Variants in NOL8 observed in about 807,000 individuals in gnomAD.
The protein encoded by NOL8 is nucleolar protein 8.
A neutral mutation model predicts 116.1 loss-of-function variants in NOL8; 93 were observed. That is an observed-to-expected ratio of 0.80 (90% CI 0.68 to 0.95). NOL8 has a LOEUF of 0.95. Ranked by LOEUF, NOL8 falls within the 40% of genes least tolerant of loss-of-function variation. NOL8 has a pLI of 0.00. For missense variants in NOL8, 1,291 were observed against 1,382.8 expected, an observed-to-expected ratio of 0.93 and a Z score of 1.05; for synonymous variants, 419 against 469.0, an observed-to-expected ratio of 0.89 and a Z score of 1.38.
At chr9:92,302,994 G>C (rs1372530932) in intron 12 of NOL8, among the ~76,000 whole-genome samples, 2 of 152,148 alleles carry the variant, frequency 1.3e-5, no homozygotes, top group Non-Finnish European at 2.9e-5. Flanking sequence ...TGTGTACTGT[G>C]GAAAATGGAA....
rs56409961 is a variant in NOL8 at position 92,314,553 on chromosome 9, A to G, written c.2072T>C (p.Ile691Thr). ...ATGGCAGCTGTCTTTGTCAAAGCCTATGTTGTGAGTCTTTGCACTAAGACT... is the reference window on the plus strand; with the variant it reads ...ATGGCAGCTGTCTTTGTCAAAGCCTGTGTTGTGAGTCTTTGCACTAAGACT... ...SLSLSAKTHN[I>T]GFDKDSCHST... Residue 691 changes from isoleucine to threonine, a missense_variant, in exon 7 of 17, where the codon ATA (isoleucine) becomes ACA (threonine). Physicochemically the swap from Ile to Thr is moderately conservative, Grantham distance 89. Coordinates refer to ENST00000442668, the MANE Select transcript of NOL8 (RefSeq NM_017948.6). 41 of 1,613,382 alleles carry G rather than the reference A, an allele frequency of 2.5e-5. 1 individual carries two copies. In the South Asian group the frequency reaches 4.1e-4, roughly 16 times the overall value.
At position 92,305,808 on chromosome 9, in the gene NOL8, T is replaced by C. The variant is rs1031573222; in HGVS notation, c.2848A>G (p.Thr950Ala). The C allele has an allele frequency of 1.3e-5, 21 of 1,612,624 alleles. No homozygotes were observed. The highest frequency in any genetic ancestry group is 1.8e-5 in the Non-Finnish European group (21 of 1,178,978). ...KFKDIIHYDP[T>A]KQDHATYERK... The stretch of plus-strand genomic sequence containing the variant: ...TCGTAAGTGGCATGGTCTTGCTTCG[T>C]TGGATCATAATGTATGATGTCCCTA... The change falls in exon 12 of 17, where the codon ACG becomes GCG. Residue 950 changes from threonine to alanine, a missense_variant. Thr to Ala is a moderately conservative substitution (Grantham distance 58). Transcript: ENST00000442668.
intron 12 of NOL8, among the ~76,000 whole-genome samples, chr9:92,304,157 G>A (rs1352791753): frequency 6.6e-6 from 1 of 152,196 alleles, no homozygotes; most frequent in Non-Finnish European, 1.5e-5. Context: ...CAGCACTTAT[G>A]AAAAGAGAAG....
intron 3 of NOL8, 143 bp downstream of exon 3, chr9:92,323,297 AC>A (rs1279195425): frequency 5.9e-6 from 9 of 1,536,322 alleles, no homozygotes; most frequent in Admixed American, 2.0e-5. Context: ...GCTGAGTTAT[AC>A]GATACTGGAA....
intron 13 of NOL8, chr9:92,300,386 GT>G: frequency 1.0e-6 from 1 of 988,432 alleles, no homozygotes; most frequent in Non-Finnish European, 1.2e-6. Context: ...GGGAAATCAG[GT>G]TTCCCTCTTG....
rs756105747 is a variant in NOL8 at position 92,306,867 on chromosome 9, G to C, written c.2825+19C>G. On this transcript the variant is annotated intron_variant, in intron 11 of 16. Coordinates refer to ENST00000442668, the MANE Select transcript of NOL8 (RefSeq NM_017948.6). ...GGCAAAGGATGATATGGTAGAATGG[G>C]ATGGAACATAAAACATACTTAAATT... 2.0e-5 allele frequency: 32 copies of C among 1,605,244 alleles called. 1 individual carries two copies. The East Asian group carries it at 6.7e-4, about 34-fold the overall frequency.
At chr9:92,318,793 G>C (rs1332694093) in intron 5 of NOL8, 107 bp from the exon 6 acceptor site, 4 of 667,484 alleles carry the variant, frequency 6.0e-6, no homozygotes, top group Non-Finnish European at 9.7e-6. Flanking sequence ...TATGATTACT[G>C]TTGGGTTTAG....
intron 10 of NOL8, 102 bp downstream of exon 10, chr9:92,310,069 G>T: frequency 1.3e-6 from 1 of 763,040 alleles, no homozygotes; most frequent in Non-Finnish European, 2.2e-6. Flanking sequence ...CCAATGTCTT[G>T]GGATGGAGAG....
intron 4 of NOL8, among the ~76,000 whole-genome samples, 195 bp downstream of exon 4, chr9:92,321,473 C>T (rs989550531): frequency 6.6e-6 from 1 of 152,028 alleles, no homozygotes; most frequent in African/African-American, 2.4e-5. Flanking sequence ...TACATACATA[C>T]GTAAATGCAT....
At chr9:92,319,770 A>G (rs1467169539) in intron 4 of NOL8, among the ~76,000 whole-genome samples, 1 of 152,156 alleles carries the variant, frequency 6.6e-6, no homozygotes, top group Non-Finnish European at 1.5e-5. Flanking sequence ...CTTTCCATCA[A>G]TCTACTGTAG....
At chr9:92,312,431 C>T (rs1184659) in intron 7 of NOL8, among the ~76,000 whole-genome samples, 3 of 105,546 alleles carry the variant, frequency 2.8e-5, no homozygotes, top group African/African-American at 7.9e-5. Flanking sequence ...CCCAGGGTGA[C>T]AGAGTGAGAC....
At position 92,310,217 on chromosome 9, in the gene NOL8, G is replaced by A; in HGVS notation, c.2640C>T (p.Arg880=). 1 of 1,610,524 alleles carries A rather than the reference G, an allele frequency of 6.2e-7. No homozygotes were observed. Among genetic ancestry groups the A allele is most frequent in the Non-Finnish European group, 8.5e-7 (1 of 1,178,450 alleles). Residue 880 remains arginine (R), a synonymous_variant, in exon 10 of 17, where the codon CGC becomes CGT. Transcript: ENST00000442668. ...CAGTTTCTAGAAATCGAGAGTCCAT[G>A]CGGAATCTGTCATCGGTGCCAAAGT... ...QSHFGTDDRF[R]MDSRFLETDS... is the part of the protein sequence containing the mutation.
At position 92,315,845 on chromosome 9, in the gene NOL8, A is replaced by G; in HGVS notation, c.780T>C (p.Asp260=). The G allele has an allele frequency of 6.2e-7, 1 of 1,613,972 alleles. No homozygotes were observed. Among genetic ancestry groups the G allele is most frequent in the Non-Finnish European group, 8.5e-7 (1 of 1,179,876 alleles). The part of the protein sequence containing the change: ...QQQAAQKRTC[D]SITPSKSSPV... ...GAGATGATTTAGAAGGAGTAATGGA[A>G]TCACAAGTTCTTTTTTGTGCAGCCT... Residue 260 remains aspartate, a synonymous_variant, in exon 7 of 17, where the codon GAT becomes GAC. Coordinates refer to ENST00000442668, the MANE Select transcript of NOL8 (RefSeq NM_017948.6).
At chr9:92,305,698 C>T in intron 12 of NOL8, 55 bp downstream of exon 12, 2 of 1,262,410 alleles carry the variant, frequency 1.6e-6, no homozygotes, top group Non-Finnish European at 2.3e-6. Flanking sequence ...TTTTAATTGT[C>T]TGAAATGAGA....
At chr9:92,299,045 A>G in intron 14 of NOL8, 91 bp from the exon 15 acceptor site, 1 of 577,396 alleles carries the variant, frequency 1.7e-6, no homozygotes, top group Non-Finnish European at 2.9e-6. Flanking sequence ...TCAAAACATA[A>G]ATACACTATT....
intron 13 of NOL8, chr9:92,300,479 T>G: frequency 1.0e-6 from 1 of 988,448 alleles, no homozygotes; most frequent in Non-Finnish European, 1.2e-6. Context: ...GAAAAACTAC[T>G]GCTATAAGAT....
intron 10 of NOL8, among the ~76,000 whole-genome samples, chr9:92,307,514 T>C (rs1838386306): frequency 6.6e-6 from 1 of 152,184 alleles, no homozygotes; most frequent in African/African-American, 2.4e-5. Flanking sequence ...AAAAAAACCA[T>C]ATGCCCTACA....
chr9:92,305,957 T>G, intron 11 of NOL8, 127 bp from the exon 12 acceptor site: 1 of 640,804 alleles, frequency 1.6e-6, no homozygotes, highest in Non-Finnish European at 2.8e-6. Flanking sequence ...CCATATAACA[T>G]CAGATAAGAT....
intron 6 of NOL8, 73 bp from the exon 7 acceptor site, chr9:92,316,211 A>G: frequency 6.8e-7 from 1 of 1,464,708 alleles, no homozygotes; most frequent in Non-Finnish European, 9.2e-7. Flanking sequence ...TACAAAAAAT[A>G]TTGCTTAATC....
Sources: allele counts gnomAD v4.1 joint callset (sites outside exome capture counted in the v4.1 genomes callset), GRCh38; gene constraint gnomAD v4.1.1; transcripts MANE v1.5; gene names NCBI Gene and HGNC (gene_info 2026-07-23, HGNC 2026-07-21).